SLC3A1: variants seen among roughly 807,000 people sequenced by gnomAD.
SLC3A1 encodes amino acid transporter heavy chain SLC3A1.
In SLC3A1, 78 loss-of-function variants were observed where a neutral mutation model predicts 60.3. The ratio of observed to expected loss-of-function variants is 1.29; its 90% confidence interval spans 1.08 to 1.56. The LOEUF (loss-of-function observed/expected upper bound fraction) is 1.56. Ranked by LOEUF, SLC3A1 falls within the 40% of genes most tolerant of loss-of-function variation. SLC3A1 has a pLI of 0.00. For missense variants in SLC3A1, 1,172 were observed against 858.9 expected (o/e 1.36, Z -4.56); for synonymous variants, 392 against 307.9 (o/e 1.27, Z -2.86).
At chr2:44,308,971 A>G (rs1490520666) in intron 7 of SLC3A1, among the ~76,000 whole-genome samples, 1 of 152,116 alleles carries the variant, frequency 6.6e-6, no homozygotes. Context: ...TGACCTCATG[A>G]TCTGCCTGCC....
At chr2:44,303,303 G>C (rs553778778) in intron 6 of SLC3A1, among the ~76,000 whole-genome samples, 1 of 147,528 alleles carries the variant, frequency 6.8e-6, no homozygotes, top group Admixed American at 6.8e-5. Context: ...GAGTGTGGTG[G>C]CATGATCTCA....
At chr2:44,305,635 T>C (rs1370469547) in intron 7 of SLC3A1, among the ~76,000 whole-genome samples, 1 of 151,568 alleles carries the variant, frequency 6.6e-6, no homozygotes, top group Admixed American at 6.6e-5. Flanking sequence ...ACCATGTTTG[T>C]CAGGCTGTTC....
chr2:44,313,302 T>C (rs1333626466), intron 8 of SLC3A1, among the ~76,000 whole-genome samples: 2 of 152,226 alleles, frequency 1.3e-5, no homozygotes, highest in African/African-American at 4.8e-5. Flanking sequence ...ACGACTATCT[T>C]GCAACTTTAA....
chr2:44,304,603 A>G (rs1029267312), intron 7 of SLC3A1, among the ~76,000 whole-genome samples: 1 of 152,148 alleles, frequency 6.6e-6, no homozygotes, highest in African/African-American at 2.4e-5. Context: ...ATATCAAACC[A>G]TAATTTCTCC....
At chr2:44,314,336 A>C (rs552860974) in intron 9 of SLC3A1, 50 of 457,956 alleles carry the variant, frequency 1.1e-4, no homozygotes, top group Non-Finnish European at 1.7e-4. Flanking sequence ...TAAGGAGATC[A>C]ATCAATCAAC....
At chr2:44,285,441 G>A (rs1252191693) in intron 3 of SLC3A1, 5 of 313,494 alleles carry the variant, frequency 1.6e-5, no homozygotes, top group East Asian at 7.8e-5. Context: ...GAGGGCAGCC[G>A]GGAGAGTCAT....
Position 44,320,420 on chromosome 2 carries a change from C to T in SLC3A1, c.1839C>T (p.Gly613=), listed in dbSNP as rs369641479. 4.3e-6 allele frequency: 7 copies of T among 1,613,826 alleles called. No individual in the cohort carries two copies. In the African/African-American group the frequency reaches 8.0e-5, roughly 18 times the overall value. ...TAAATCTACATAATATGATTTCGGGCCTTCCCGCTAAAATGAGAATAAGGT... is the reference window on the plus strand; with the variant it reads ...TAAATCTACATAATATGATTTCGGGTCTTCCCGCTAAAATGAGAATAAGGT... ...TLLNLHNMIS[G]LPAKMRIRLS... The change falls in exon 10 of 10, where the codon GGC becomes GGT. Residue 613 remains glycine (G), a synonymous_variant. Transcript: ENST00000260649.
chr2:44,316,237 AAGC>A (rs1222802614), intron 9 of SLC3A1: 1 of 152,250 alleles, frequency 6.6e-6, no homozygotes, highest in African/African-American at 2.4e-5. Context: ...ACACTGTAGA[AAGC>A]AGAGAAAATT....
chr2:44,296,856 C>T (rs762809969), intron 4 of SLC3A1, among the ~76,000 whole-genome samples: 4 of 152,090 alleles, frequency 2.6e-5, no homozygotes, highest in Non-Finnish European at 4.4e-5. Flanking sequence ...ATCCTGTTCT[C>T]GTGATAGTGA....
At position 44,313,881 on chromosome 2, in the gene SLC3A1, A is replaced by G; in HGVS notation, c.1547A>G (p.Asn516Ser). ...CCAATGCAGTGGGACAATAGTTCAA[A>G]TGCTGGTTTTTCTGAAGCTAGTAAC... Reference protein sequence around the residue: ...KSPMQWDNSSNAGFSEASNTW... With the variant: ...KSPMQWDNSSSAGFSEASNTW... Residue 516 changes from asparagine to serine, a missense_variant, in exon 9 of 10, where the codon AAT becomes AGT. Coordinates refer to ENST00000260649, the MANE Select transcript of SLC3A1 (RefSeq NM_000341.4). 1 of 1,614,116 alleles carries G rather than the reference A, an allele frequency of 6.2e-7. No individual in the cohort carries two copies. Among genetic ancestry groups the G allele is most frequent in the South Asian group, 1.1e-5 (1 of 91,082 alleles).
chr2:44,310,390 A>G (rs1347206919), intron 7 of SLC3A1, among the ~76,000 whole-genome samples: 2 of 152,162 alleles, frequency 1.3e-5, no homozygotes, highest in Non-Finnish European at 2.9e-5. Context: ...TTCATTATTG[A>G]ATAACAGTTT....
In SLC3A1 at chr2:44,279,730, A is replaced by AT. The variant is rs1163326245; in HGVS notation, c.431-977dup. Among the ~76,000 whole-genome samples the AT allele has an allele frequency of 2.9e-4, 44 of 151,306 alleles. 1 individual carries two copies. Among genetic ancestry groups the AT allele is most frequent in the Non-Finnish European group, 4.3e-4 (29 of 67,704 alleles). ...AGTATAAAAATATATACATATTGTT[A>AT]TTTTTTTTTGTATTTTAAGACGGGG... On this transcript the variant is annotated intron_variant, in intron 1 of 9. Coordinates refer to ENST00000260649, the MANE Select transcript of SLC3A1 (RefSeq NM_000341.4).
At chr2:44,313,207 T>C (rs1272486413) in intron 8 of SLC3A1, among the ~76,000 whole-genome samples, 3 of 152,190 alleles carry the variant, frequency 2.0e-5, no homozygotes, top group Non-Finnish European at 4.4e-5. Flanking sequence ...CCTTTTCTTT[T>C]CTGTTATCAG....
chr2:44,283,408 G>A (rs564773355), intron 3 of SLC3A1, among the ~76,000 whole-genome samples: 61 of 152,092 alleles, frequency 4.0e-4, no homozygotes, highest in Admixed American at 5.2e-4. Flanking sequence ...TACTTACTCT[G>A]TGCCAGGCTC....
intron 5 of SLC3A1, among the ~76,000 whole-genome samples, chr2:44,300,539 C>G (rs922762949): frequency 1.3e-5 from 2 of 151,764 alleles, no homozygotes; most frequent in Non-Finnish European, 2.9e-5. Flanking sequence ...GATACAGAAA[C>G]TAGGAAAAAT....
intron 1 of SLC3A1, among the ~76,000 whole-genome samples, chr2:44,277,374 C>T (rs1448437641): frequency 2.6e-5 from 4 of 152,068 alleles, no homozygotes; most frequent in Non-Finnish European, 5.9e-5. Context: ...TCCCAAAACT[C>T]TGGGATTACA....
chr2:44,279,956 A>G (rs2104332695), intron 1 of SLC3A1, among the ~76,000 whole-genome samples: 1 of 152,198 alleles, frequency 6.6e-6, no homozygotes, highest in Admixed American at 6.5e-5. Flanking sequence ...GCACATCTCA[A>G]TTCCAACCAG....
chr2:44,286,288 T>C (rs1671610923), intron 4 of SLC3A1, 131 bp downstream of exon 4: 3 of 847,236 alleles, frequency 3.5e-6, no homozygotes, highest in East Asian at 2.6e-5. Context: ...CTATAGTTAT[T>C]TGAAACACTT....
At chr2:44,279,565 C>T (rs1347401825) in intron 1 of SLC3A1, among the ~76,000 whole-genome samples, 4 of 152,154 alleles carry the variant, frequency 2.6e-5, no homozygotes, top group East Asian at 1.9e-4. Context: ...AGACCAACAC[C>T]GCCCAAAAGA....
Sources: gnomAD v4.1 joint callset for allele counts (sites outside exome capture counted in the v4.1 genomes callset) on GRCh38, gnomAD v4.1.1 for gene constraint, MANE v1.5 for transcripts, NCBI Gene and HGNC (gene_info 2026-07-23, HGNC 2026-07-21) for gene names.